The following OPCML variants were observed in gnomAD, a reference collection of about 807,000 sequenced individuals.
The protein encoded by OPCML is opioid-binding protein/cell adhesion molecule.
In OPCML, 13 loss-of-function variants were observed where a neutral mutation model predicts 37.8. The observed-to-expected ratio is 0.34, with a 90% CI of 0.22 to 0.55. The LOEUF (loss-of-function observed/expected upper bound fraction) is 0.55. Among genes scored for constraint, OPCML ranks in the 20% least tolerant of loss-of-function variants. OPCML has a pLI of 0.91. For synonymous variants in OPCML, 176 were observed against 168.8 expected (o/e 1.04, Z -0.33); for missense variants, 341 against 435.6 (o/e 0.78, Z 1.93).
intron 1 of OPCML, among the ~76,000 whole-genome samples, chr11:133,245,085 T>C (rs1432533786): frequency 1.3e-5 from 2 of 152,190 alleles, no homozygotes; most frequent in Non-Finnish European, 2.9e-5. Context: ...ACTGTGAGTC[T>C]GCCATTGTGT....
chr11:132,806,605 A>G (rs1273273777), intron 2 of OPCML, among the ~76,000 whole-genome samples: 1 of 152,244 alleles, frequency 6.6e-6, no homozygotes, highest in South Asian at 2.1e-4. Flanking sequence ...AAAATCCATA[A>G]AGCAAAAACT....
At chr11:132,603,007 T>C (rs1391576209) in intron 3 of OPCML, among the ~76,000 whole-genome samples, 1 of 152,250 alleles carries the variant, frequency 6.6e-6, no homozygotes, top group Non-Finnish European at 1.5e-5. Context: ...CAGTGTCCTC[T>C]CCTTCTTAGG....
chr11:132,599,854 T>C (rs1368378075), intron 3 of OPCML, among the ~76,000 whole-genome samples: 2 of 152,232 alleles, frequency 1.3e-5, no homozygotes, highest in African/African-American at 2.4e-5. Flanking sequence ...CCATAGTATA[T>C]GCAAACATTT....
At chr11:132,502,830 G>C (rs1295228270) in intron 4 of OPCML, among the ~76,000 whole-genome samples, 3 of 152,206 alleles carry the variant, frequency 2.0e-5, no homozygotes, top group African/African-American at 7.2e-5. Context: ...ACTGGAGAGA[G>C]TGGGGCGCCT....
intron 2 of OPCML, among the ~76,000 whole-genome samples, chr11:132,856,295 A>G (rs920600760): frequency 5.9e-5 from 9 of 152,200 alleles, no homozygotes; most frequent in African/African-American, 1.9e-4. Flanking sequence ...CATGATGGCT[A>G]TCAAATAATA....
At chr11:133,113,734 G>A (rs1452294057) in intron 1 of OPCML, among the ~76,000 whole-genome samples, 1 of 152,130 alleles carries the variant, frequency 6.6e-6, no homozygotes, top group Non-Finnish European at 1.5e-5. Flanking sequence ...TTTAAGATTT[G>A]TCTTAGCTTC....
At chr11:133,509,620 C>T (rs1248246172) in intron 1 of OPCML, among the ~76,000 whole-genome samples, 1 of 152,176 alleles carries the variant, frequency 6.6e-6, no homozygotes, top group African/African-American at 2.4e-5. Flanking sequence ...TCAACCTTCT[C>T]CCACAGTTCT....
intron 1 of OPCML, among the ~76,000 whole-genome samples, chr11:133,283,813 C>T (rs1226793133): frequency 6.6e-6 from 1 of 152,114 alleles, no homozygotes; most frequent in Non-Finnish European, 1.5e-5. Context: ...GGGCTTCATG[C>T]CTTAGAAAAC....
Position 132,602,887 on chromosome 11 carries a change from T to A in OPCML, c.379+54200A>T, listed in dbSNP as rs569975570. On this transcript the variant is annotated intron_variant, in intron 3 of 7. Transcript: ENST00000524381. ...TGTTCACTTTCCCTAAACCAATGGCTTAGTGCTCAGGTCACGGACAGTAGT... is the reference window on the plus strand; with the variant it reads ...TGTTCACTTTCCCTAAACCAATGGCATAGTGCTCAGGTCACGGACAGTAGT... 7.9e-4 allele frequency among the ~76,000 whole-genome samples: 120 copies of A among 152,334 alleles called. 1 individual carries two copies. The highest frequency in any genetic ancestry group is 1.5e-3 in the Non-Finnish European group (103 of 68,028).
intron 2 of OPCML, among the ~76,000 whole-genome samples, chr11:132,932,691 T>TTATATATATATATATATATATAC (rs1945248976): frequency 7.0e-6 from 1 of 143,662 alleles, no homozygotes; most frequent in Non-Finnish European, 1.5e-5. Flanking sequence ...TATATATATA[T>TTATATATATATATATATATATAC]TATATATATA....
At chr11:132,522,645 C>T (rs2508975) in intron 4 of OPCML, among the ~76,000 whole-genome samples, 59,610 of 152,014 alleles carry the variant, frequency 0.39, 14,231 homozygotes, top group Non-Finnish European at 0.54. Context: ...TAAAGTTGTT[C>T]CCATTTTGCA....
At chr11:133,483,453 T>C (rs968604987) in intron 1 of OPCML, among the ~76,000 whole-genome samples, 36 of 151,966 alleles carry the variant, frequency 2.4e-4, no homozygotes, top group African/African-American at 8.7e-4. Flanking sequence ...GATTGATTGA[T>C]AAATAGAAAA....
chr11:133,491,451 T>C (rs1350244250), intron 1 of OPCML, among the ~76,000 whole-genome samples: 1 of 152,144 alleles, frequency 6.6e-6, no homozygotes, highest in Non-Finnish European at 1.5e-5. Flanking sequence ...CTGGGAACAT[T>C]CTTATTGTGT....
intron 1 of OPCML, among the ~76,000 whole-genome samples, chr11:133,428,299 A>C (rs1946045308): frequency 6.6e-6 from 1 of 152,216 alleles, no homozygotes; most frequent in African/African-American, 2.4e-5. Flanking sequence ...ATCCACTTTA[A>C]ACCAGCAGCG....
At chr11:132,650,317 C>T (rs918561503) in intron 3 of OPCML, among the ~76,000 whole-genome samples, 3 of 152,092 alleles carry the variant, frequency 2.0e-5, no homozygotes, top group South Asian at 2.1e-4. Context: ...GTGCCATCGG[C>T]GGGTGAAAGT....
At position 132,415,896 on chromosome 11, in the gene OPCML, T is replaced by A. The variant is rs2095936949; in HGVS notation, c.*4297A>T. ...AGTTTTGTTTGTTTGCATGTGGTGATCATTAGGCGTTCTCATCATATGGTC... is the reference window on the plus strand; with the variant it reads ...AGTTTTGTTTGTTTGCATGTGGTGAACATTAGGCGTTCTCATCATATGGTC... On this transcript the variant is annotated 3_prime_UTR_variant, in exon 8 of 8. Coordinates refer to ENST00000524381, the MANE Select transcript of OPCML (RefSeq NM_001012393.5). 1 of 152,632 alleles carries A rather than the reference T, an allele frequency of 6.6e-6. No homozygotes were observed. The highest frequency in any genetic ancestry group is 1.5e-5 in the Non-Finnish European group (1 of 68,036). 9.5% of individuals were successfully genotyped at this position (152,632 alleles called of 1,614,324 possible).
At chr11:133,333,390 A>G (rs906246865) in intron 1 of OPCML, among the ~76,000 whole-genome samples, 2 of 98,570 alleles carry the variant, frequency 2.0e-5, no homozygotes, top group Admixed American at 2.5e-4. Context: ...AGCAATGGGA[A>G]AAAAAAAACT....
intron 4 of OPCML, among the ~76,000 whole-genome samples, chr11:132,475,286 G>C (rs184612809): frequency 7.2e-5 from 11 of 152,188 alleles, no homozygotes; most frequent in African/African-American, 2.7e-4. Context: ...TGAGTGTACA[G>C]AAACAAAGGA....
intron 3 of OPCML, among the ~76,000 whole-genome samples, chr11:132,563,591 G>T (rs1322826274): frequency 6.6e-6 from 1 of 151,094 alleles, no homozygotes; most frequent in Non-Finnish European, 1.5e-5. Flanking sequence ...ATTTTAAATT[G>T]GTTAATTCTA....
Sources: allele counts gnomAD v4.1 joint callset (sites outside exome capture counted in the v4.1 genomes callset), GRCh38; gene constraint gnomAD v4.1.1; transcripts MANE v1.5; gene names NCBI Gene and HGNC (gene_info 2026-07-23, HGNC 2026-07-21).